Variants in MYH8 observed in about 807,000 individuals in gnomAD.
MYH8 encodes myosin heavy chain 8, also known as myosin-8.
Under a neutral mutation model 233.2 loss-of-function variants are expected in MYH8, and 168 were observed. That is an observed-to-expected ratio of 0.72 (90% confidence interval 0.64 to 0.82). MYH8 has a LOEUF of 0.82. MYH8 is among the 40% of genes least tolerant of loss of function. The pLI, the probability that MYH8 is intolerant of heterozygous loss-of-function variation, is 0.00. For synonymous variants in MYH8, 785 were observed against 850.6 expected (o/e 0.92, Z 1.34); for missense variants, 1,995 against 2,327.8 (o/e 0.86, Z 2.94).
intron 5 of MYH8, 102 bp downstream of exon 5, chr17:10,418,543 C>G (rs2072307263): frequency 1.2e-6 from 2 of 1,604,074 alleles, no homozygotes; most frequent in Non-Finnish European, 1.7e-6. Context: ...CCCCATGTGG[C>G]TAGAATGTAT....
chr17:10,392,896 G>T lies in MYH8; in HGVS notation c.5398C>A (p.Leu1800Ile), dbSNP rs754623813. 386 of 1,614,054 alleles carry T rather than the reference G, an allele frequency of 2.4e-4. No individual in the cohort carries two copies. Among genetic ancestry groups the T allele is most frequent in the Non-Finnish European group, 3.2e-4 (380 of 1,180,036 alleles). Reference protein sequence around the residue: ...EQTVKDLQHRLDEAEQLALKG... With the variant: ...EQTVKDLQHRIDEAEQLALKG... ...AGCGCCAGCTGCTCGGCCTCATCTAGACGATGCTGCAGGTCCTTCACCGTC... is the reference window on the plus strand; with the variant it reads ...AGCGCCAGCTGCTCGGCCTCATCTATACGATGCTGCAGGTCCTTCACCGTC... The change falls in exon 37 of 40, where the codon CTA becomes ATA. Residue 1800 changes from leucine to isoleucine, a missense_variant. Around this residue, in one of 3 missense-constraint regions of MYH8, gnomAD observed 1,498 missense variants for 1,680.9 expected, o/e 0.89. Coordinates refer to ENST00000403437, the MANE Select transcript of MYH8 (RefSeq NM_002472.3).
rs1473154986 is a variant in MYH8, at chr17:10,406,144, C to A, written c.2329G>T (p.Glu777Ter). ...GCTAATTTTTCATCTCTCATTTCTT[C>A]CAGAAGACCCAGAAGTCCAGCTTTG... ...FFKAGLLGLL[E>*]EMRDEKLAQI... is the part of the protein sequence containing the mutation. The change falls in exon 21 of 40, where the codon GAA (glutamate) becomes TAA (stop). Residue 777 changes from glutamate (E) to a stop codon, truncating the protein, a stop_gained. Coordinates refer to ENST00000403437, the MANE Select transcript of MYH8 (RefSeq NM_002472.3). LOFTEE classifies it high-confidence loss of function. The A allele has an allele frequency of 6.2e-7, 1 of 1,614,000 alleles. No homozygotes were observed. Among genetic ancestry groups the A allele is most frequent in the Non-Finnish European group, 8.5e-7 (1 of 1,179,984 alleles).
In MYH8 at chr17:10,398,470, C is replaced by T. The variant is rs755249937; in HGVS notation, c.4152G>A (p.Gln1384=). ...WRTKYETDAI[Q]RTEELEEAKK... ...TGGCCTCCTCCAGCTCCTCTGTGCG[C>T]TGGATGGCATCCGTCTCGTATTTGG... Residue 1384 remains glutamine, a synonymous_variant, in exon 30 of 40, where the codon CAG becomes CAA. Coordinates refer to ENST00000403437, the MANE Select transcript of MYH8 (RefSeq NM_002472.3). 1 of 1,613,884 alleles carries T rather than the reference C, an allele frequency of 6.2e-7. No individual in the cohort carries two copies. Among genetic ancestry groups the T allele is most frequent in the East Asian group, 2.2e-5 (1 of 44,892 alleles).
At position 10,401,761 on chromosome 17, in the gene MYH8, C is replaced by T; in HGVS notation, c.2713G>A (p.Glu905Lys). Residue 905 changes from glutamate (E) to lysine (K), a missense_variant, in exon 23 of 40, where the codon GAG becomes AAG. Transcript: ENST00000403437. ...TTAATCAGTTGCTCACACCTTTCCTCTGCATCAGCCAAGCTATCTGCTTCC... is the reference window on the plus strand; with the variant it reads ...TTAATCAGTTGCTCACACCTTTCCTTTGCATCAGCCAAGCTATCTGCTTCC... ...QSEADSLADA[E>K]ERCEQLIKNK... The T allele has an allele frequency of 1.2e-6, 2 of 1,614,178 alleles. No individual in the cohort carries two copies. The highest frequency in any genetic ancestry group is 8.5e-7 in the Non-Finnish European group (1 of 1,180,034).
At chr17:10,416,610 CT>C (rs2072292299) in intron 5 of MYH8, among the ~76,000 whole-genome samples, 1 of 152,120 alleles carries the variant, frequency 6.6e-6, no homozygotes, top group Non-Finnish European at 1.5e-5. Flanking sequence ...CTTGTCAAAA[CT>C]TGTTATTTTC....
At chr17:10,408,838 G>C (rs1163750972) in intron 17 of MYH8, among the ~76,000 whole-genome samples, 1 of 152,128 alleles carries the variant, frequency 6.6e-6, no homozygotes, top group Non-Finnish European at 1.5e-5. Flanking sequence ...TACTTCTTTA[G>C]AAATCAGCCT....
rs2072173174 is a variant in MYH8, at chr17:10,404,560, T to C, written c.2458A>G (p.Asn820Asp). ...RREALFCIQY[N>D]VRAFMNVKHW... ...TTGACGTTCATGAAGGCACGGACAT[T>C]ATACTGGATGCAGAAAAGTGCTTCT... The change falls in exon 22 of 40, where the codon AAT (asparagine) becomes GAT (aspartate). Residue 820 changes from asparagine (N) to aspartate (D), a missense_variant. By Grantham distance (23) the Asn-to-Asp change is conservative (BLOSUM62 1). Around this residue, in one of 3 missense-constraint regions of MYH8, gnomAD observed 1,498 missense variants for 1,680.9 expected, o/e 0.89. Transcript: ENST00000403437. 6.2e-7 allele frequency: 1 copy of C among 1,614,004 alleles called. No homozygotes were observed. The highest frequency in any genetic ancestry group is 8.5e-7 in the Non-Finnish European group (1 of 1,179,914).
In MYH8 at chr17:10,400,609, A is replaced by C; in HGVS notation, c.3516T>G (p.Ala1172=). 3 of 1,614,190 alleles carry C rather than the reference A, an allele frequency of 1.9e-6. No homozygotes were observed. The highest frequency in any genetic ancestry group is 2.5e-6 in the Non-Finnish European group (3 of 1,180,040). Residue 1172 remains alanine (A), a synonymous_variant, in exon 27 of 40, where the codon GCT becomes GCG. Transcript: ENST00000403437. This position sits in a 1 kb window ranked among gnomAD's most constrained non-coding sequence, Gnocchi z 4.0. Reference sequence around the variant, plus strand: ...GGTCCCTGCGCAGTTTCTGAAACTCAGCCTCCCGCTTCTTGTTCAATTCCA... The same window carrying C: ...GGTCCCTGCGCAGTTTCTGAAACTCCGCCTCCCGCTTCTTGTTCAATTCCA... ...AQVELNKKRE[A]EFQKLRRDLE...
rs770808142 is a variant in MYH8 at position 10,404,377 on chromosome 17, C to T, written c.2641G>A (p.Val881Ile). 6.2e-7 allele frequency: 1 copy of T among 1,613,898 alleles called. No individual in the cohort carries two copies. Among genetic ancestry groups the T allele is most frequent in the East Asian group, 2.2e-5 (1 of 44,868 alleles). Residue 881 changes from valine to isoleucine, a missense_variant, in exon 22 of 40, where the codon GTC becomes ATC. By Grantham distance (29) the Val-to-Ile change is conservative (BLOSUM62 3). This residue lies in a region of MYH8 where 1,498 missense variants were observed against 1,680.9 expected (regional missense o/e 0.89). Transcript: ENST00000403437. ...AKRKELEEKM[V>I]TLLKEKNDLQ... is the part of the protein sequence containing the mutation. Reference sequence around the variant, plus strand: ...TCATTTTTCTCTTTTAAGAGAGTGACCATTTTTTCCTCTAGCTCCTTCCGT... The same window carrying T: ...TCATTTTTCTCTTTTAAGAGAGTGATCATTTTTTCCTCTAGCTCCTTCCGT...
In MYH8 at chr17:10,393,146, A is replaced by G; in HGVS notation, c.5231T>C (p.Val1744Ala). 6.2e-7 allele frequency: 1 copy of G among 1,614,114 alleles called. No individual in the cohort carries two copies. Among genetic ancestry groups the G allele is most frequent in the Non-Finnish European group, 8.5e-7 (1 of 1,180,020 alleles). The change falls in exon 36 of 40, where the codon GTG becomes GCG. Residue 1744 changes from valine to alanine, a missense_variant. Val to Ala is a moderately conservative substitution (Grantham distance 64, BLOSUM62 0). Coordinates refer to ENST00000403437, the MANE Select transcript of MYH8 (RefSeq NM_002472.3). Reference sequence around the variant, plus strand: ...GCGTGATTCTTGGATTACTTCTTCCACTTCACTTTGGAGTTGGGAAACGTC... The same window carrying G: ...GCGTGATTCTTGGATTACTTCTTCCGCTTCACTTTGGAGTTGGGAAACGTC... ...ENDVSQLQSE[V>A]EEVIQESRNA...
rs369298245 is a variant in MYH8 at position 10,395,306 on chromosome 17, C to G, written c.4789G>C (p.Val1597Leu). The G allele has an allele frequency of 3.9e-5, 63 of 1,614,064 alleles. No homozygotes were observed. Among genetic ancestry groups the G allele is most frequent in the Non-Finnish European group, 5.2e-5 (61 of 1,180,036 alleles). ...DQLKRNHTRV[V>L]ETMQSTLDAE... ...TCCAGCGTGCTCTGCATTGTCTCCA[C>G]GACTCTAGTGTGGTTTCTCTTCAGC... The change falls in exon 34 of 40, where the codon GTG becomes CTG. Residue 1597 changes from valine to leucine, a missense_variant. Physicochemically the swap from Val to Leu is conservative, Grantham distance 32 (BLOSUM62 1). Coordinates refer to ENST00000403437, the MANE Select transcript of MYH8 (RefSeq NM_002472.3).
intron 38 of MYH8, among the ~76,000 whole-genome samples, chr17:10,392,259 G>T (rs1437525010): frequency 6.6e-6 from 1 of 152,130 alleles, no homozygotes; most frequent in African/African-American, 2.4e-5. Context: ...GAGGTTTAGA[G>T]TGTTAAGTTC....
chr17:10,409,455 C>G lies in MYH8; in HGVS notation c.1721G>C (p.Gly574Ala). ...ANFQKPKVVK[G>A]KAEAHFSLIH... is the part of the protein sequence containing the mutation. ...CAGAGAGAAGTGGGCCTCAGCCTTGCCTTTGACCACCTTGGGCTTCTGGAA... is the reference window on the plus strand; with the variant it reads ...CAGAGAGAAGTGGGCCTCAGCCTTGGCTTTGACCACCTTGGGCTTCTGGAA... Residue 574 changes from glycine to alanine, a missense_variant, in exon 16 of 40, where the codon GGC (glycine) becomes GCC (alanine). By Grantham distance (60) the Gly-to-Ala change is moderately conservative. Around this residue, in one of 3 missense-constraint regions of MYH8, gnomAD observed 1,498 missense variants for 1,680.9 expected, o/e 0.89. Transcript: ENST00000403437. The G allele has an allele frequency of 6.2e-7, 1 of 1,614,182 alleles. No homozygotes were observed. Among genetic ancestry groups the G allele is most frequent in the Non-Finnish European group, 8.5e-7 (1 of 1,180,042 alleles).
In MYH8 at chr17:10,413,900, A is replaced by G; in HGVS notation, c.1147+2T>C. ...AAACCCAGATAAAGTTTCATTTGGT[A>G]CCTTCTGTGCCATCTGGCTCAGCTT... On this transcript the variant is annotated splice_donor_variant, in intron 12 of 39. Transcript: ENST00000403437. LOFTEE classifies it high-confidence loss of function. 1 of 1,613,902 alleles carries G rather than the reference A, an allele frequency of 6.2e-7. No individual in the cohort carries two copies. Among genetic ancestry groups the G allele is most frequent in the East Asian group, 2.2e-5 (1 of 44,858 alleles).
Position 10,396,075 on chromosome 17 carries a change from C to T in MYH8, c.4653+255G>A, listed in dbSNP as rs1055821384. On this transcript the variant is annotated intron_variant, in intron 33 of 39. Transcript: ENST00000403437. The surrounding 1 kb of genome is among the most constrained non-coding windows in gnomAD (Gnocchi z 4.2). ...TATAAAATTTCATCACATGACTGTT[C>T]TGTGATTTGCTTACTTTTGTTCTTA... 6.6e-6 allele frequency among the ~76,000 whole-genome samples: 1 copy of T among 152,110 alleles called. No homozygotes were observed. Among genetic ancestry groups the T allele is most frequent in the African/African-American group, 2.4e-5 (1 of 41,418 alleles).
chr17:10,418,575 G>A lies in MYH8; in HGVS notation c.511+70C>T, dbSNP rs756691856. ...GTATTATCATAACATAAAGAGGCTC[G>A]GAAGAGGTCTGTCTGTTCTGCAAAG... On this transcript the variant is annotated intron_variant, in intron 5 of 39. Coordinates refer to ENST00000403437, the MANE Select transcript of MYH8 (RefSeq NM_002472.3). The A allele has an allele frequency of 1.1e-4, 184 of 1,611,244 alleles. 1 individual carries two copies. The highest frequency in any genetic ancestry group is 1.4e-4 in the Non-Finnish European group (170 of 1,179,230).
At position 10,415,385 on chromosome 17, in the gene MYH8, C is replaced by G. The variant is rs770599636; in HGVS notation, c.649-1G>C. The G allele has an allele frequency of 6.2e-7, 1 of 1,614,072 alleles. No homozygotes were observed. The highest frequency in any genetic ancestry group is 1.3e-5 in the African/African-American group (1 of 74,934). ...TGATGATTTGATCTTCCAGAGTCCCCTGCAAAGGAAGGAGCAGTTCTCACA... is the reference window on the plus strand; with the variant it reads ...TGATGATTTGATCTTCCAGAGTCCCGTGCAAAGGAAGGAGCAGTTCTCACA... On this transcript the variant is annotated splice_acceptor_variant, in intron 7 of 39. Coordinates refer to ENST00000403437, the MANE Select transcript of MYH8 (RefSeq NM_002472.3). LOFTEE classifies it high-confidence loss of function. The surrounding 1 kb of genome is among the most constrained non-coding windows in gnomAD (Gnocchi z 4.1).
Position 10,417,872 on chromosome 17 carries a change from AC to A in MYH8, c.511+772del, listed in dbSNP as rs539895307. On this transcript the variant is annotated intron_variant, in intron 5 of 39. Transcript: ENST00000403437. This position sits in a 1 kb window ranked among gnomAD's most constrained non-coding sequence, Gnocchi z 4.1. ...ACAATTTAAAAACAAGTGCAAAAAA[AC>A]AAACCAAAAAGAAAGAAAAAACACC... Among the ~76,000 whole-genome samples the A allele has an allele frequency of 7.9e-5, 12 of 152,326 alleles. No individual in the cohort carries two copies. In the South Asian group the frequency reaches 1.4e-3, roughly 18 times the overall value.
intron 30 of MYH8, 64 bp downstream of exon 30, chr17:10,398,380 T>TATC: frequency 6.2e-7 from 1 of 1,612,028 alleles, no homozygotes; most frequent in South Asian, 1.1e-5. Context: ...ATTGTTATGT[T>TATC]ATCATCATCA....
Sources: gnomAD v4.1 joint callset for allele counts (sites outside exome capture counted in the v4.1 genomes callset) on GRCh38, gnomAD v4.1.1 for gene constraint, gnomAD v4.1.1 regional missense constraint, Gnocchi (gnomAD v3.1) non-coding constraint, MANE v1.5 for transcripts, NCBI Gene and HGNC (gene_info 2026-07-23, HGNC 2026-07-21) for gene names.